The following SVIL variants were observed in gnomAD, a reference collection of about 807,000 sequenced individuals.
SVIL encodes supervillin.
A neutral mutation model predicts 240.4 loss-of-function variants in SVIL; 101 were observed. That is an observed-to-expected ratio of 0.42 (90% CI 0.36 to 0.50). The LOEUF (loss-of-function observed/expected upper bound fraction) is 0.50. Among genes scored for constraint, SVIL ranks in the 20% least tolerant of loss-of-function variants. The pLI, the probability that SVIL is intolerant of heterozygous loss-of-function variation, is 0.01. For missense variants in SVIL, 2,512 were observed against 2,818.7 expected (o/e 0.89, Z 2.46); for synonymous variants, 999 against 1,100.0 (o/e 0.91, Z 1.82).
rs386371080 is a variant in SVIL at position 29,724,181 on chromosome 10, C to CTTTT, written c.-400+11566_-400+11569dup. Among the ~76,000 whole-genome samples the CTTTT allele has an allele frequency of 8.3e-5, 12 of 144,514 alleles. 1 individual carries two copies. Among genetic ancestry groups the CTTTT allele is most frequent in the Non-Finnish European group, 7.5e-5 (5 of 66,332 alleles). The allele number at this position is 144,514 out of a possible 152,430, so 94.8% of individuals were successfully genotyped here. A position where few individuals can be genotyped will look rare whatever the true frequency, so the allele number is the denominator to read the frequency against. On this transcript the variant is annotated intron_variant, in intron 1 of 35. Coordinates refer to the SVIL transcript ENST00000375400. ...TTCTTCTGAGTTTTTTGTTTTCTCT[C>CTTTT]TTTTTTTTTTTTTCAAGAAGCCTAA...
At chr10:29,699,580 A>C (rs1589538201) in intron 1 of SVIL, among the ~76,000 whole-genome samples, 4 of 152,232 alleles carry the variant, frequency 2.6e-5, no homozygotes, top group South Asian at 2.1e-4. Flanking sequence ...CTGGGATTAC[A>C]GGTGTGAGCC....
chr10:29,714,976 A>G (rs1963532380), intron 1 of SVIL, among the ~76,000 whole-genome samples: 1 of 151,218 alleles, frequency 6.6e-6, no homozygotes, highest in African/African-American at 2.4e-5. Context: ...AAGAAGAAAA[A>G]GAAAAGAAAA....
chr10:29,689,856 T>C (rs910139115), intron 1 of SVIL, among the ~76,000 whole-genome samples: 1 of 152,210 alleles, frequency 6.6e-6, no homozygotes, highest in Non-Finnish European at 1.5e-5. Context: ...AGAGCAACAC[T>C]GCAAAACTTT....
intron 1 of SVIL, among the ~76,000 whole-genome samples, chr10:29,606,573 T>C (rs1243845469): frequency 6.6e-6 from 1 of 152,202 alleles, no homozygotes; most frequent in Non-Finnish European, 1.5e-5. Flanking sequence ...TTTAAAATTA[T>C]GAATATTTCC....
chr10:29,642,529 G>C (rs1958523970), intron 3 of SVIL, among the ~76,000 whole-genome samples: 1 of 152,154 alleles, frequency 6.6e-6, no homozygotes, highest in Non-Finnish European at 1.5e-5. Flanking sequence ...ATCTCTCCTA[G>C]ACATGGTCTC....
intron 16 of SVIL, among the ~76,000 whole-genome samples, chr10:29,517,685 A>G (rs1390852010): frequency 1.3e-5 from 2 of 152,210 alleles, no homozygotes; most frequent in Non-Finnish European, 2.9e-5. Context: ...GCAGAACACC[A>G]TAGAGGCGTG....
At chr10:29,584,499 G>A (rs1956080716) in intron 1 of SVIL, among the ~76,000 whole-genome samples, 1 of 152,174 alleles carries the variant, frequency 6.6e-6, no homozygotes. Context: ...TGTCGGGGAG[G>A]TGCCAAGTGG....
At chr10:29,717,711 A>G (rs1963713771) in intron 1 of SVIL, among the ~76,000 whole-genome samples, 1 of 152,230 alleles carries the variant, frequency 6.6e-6, no homozygotes, top group Admixed American at 6.5e-5. Context: ...TATTCTAAAA[A>G]AGATGAACCA....
chr10:29,656,458 T>A (rs978091479), intron 3 of SVIL, among the ~76,000 whole-genome samples: 1 of 147,270 alleles, frequency 6.8e-6, no homozygotes, highest in Non-Finnish European at 1.5e-5. Flanking sequence ...CCCATATAGC[T>A]TTTTTTTTTA....
rs1397743030 is a variant in SVIL, at chr10:29,457,396, T to TATC, written c.*848_*850dup. 1 of 148,678 alleles carries TATC rather than the reference T, an allele frequency of 6.7e-6. No homozygotes were observed. The highest frequency in any genetic ancestry group is 2.5e-5 in the African/African-American group (1 of 40,450). The allele number at this position is 148,678 out of a possible 1,614,324, so 9.2% of individuals were successfully genotyped here. On this transcript the variant is annotated 3_prime_UTR_variant, in exon 38 of 38. Coordinates refer to ENST00000355867, the MANE Select transcript of SVIL (RefSeq NM_021738.3). ...CTGATACTTTTATTTGGGAGTCCTATATCACAAAATGACATGTGTACTGTT... is the reference window on the plus strand; with the variant it reads ...CTGATACTTTTATTTGGGAGTCCTATATCATCACAAAATGACATGTGTACTGTT...
upstream of SVIL, among the ~76,000 whole-genome samples, chr10:29,638,191 G>A (rs960124979): frequency 2.0e-5 from 3 of 152,180 alleles, no homozygotes; most frequent in Non-Finnish European, 4.4e-5. Context: ...GCAGGGCGGG[G>A]TGGCTCACAC....
At chr10:29,601,424 G>T (rs1190630587) in intron 1 of SVIL, among the ~76,000 whole-genome samples, 1 of 152,206 alleles carries the variant, frequency 6.6e-6, no homozygotes, top group Admixed American at 6.5e-5. Flanking sequence ...GTAGAAATGT[G>T]TTTAAACTGA....
intron 1 of SVIL, among the ~76,000 whole-genome samples, chr10:29,700,815 C>T (rs1308232642): frequency 6.6e-6 from 1 of 152,058 alleles, no homozygotes; most frequent in Non-Finnish European, 1.5e-5. Context: ...ACCTGTGGCA[C>T]CCCTACCCCC....
intron 2 of SVIL, among the ~76,000 whole-genome samples, chr10:29,670,037 C>T (rs1468480687): frequency 6.6e-6 from 1 of 151,890 alleles, no homozygotes; most frequent in Non-Finnish European, 1.5e-5. Context: ...ATCACTTGAG[C>T]CCAAAAGGTC....
Position 29,480,598 on chromosome 10 carries a change from G to T in SVIL, c.5316C>A (p.Ile1772=), listed in dbSNP as rs1176428069. ...AGGCATCCCCCTCATGGAACTGCCCGATGCTTTGTTTGGGGAGCCTGCTAT... is the reference window on the plus strand; with the variant it reads ...AGGCATCCCCCTCATGGAACTGCCCTATGCTTTGTTTGGGGAGCCTGCTAT... The part of the protein sequence containing the change: ...FDYSRLPKQS[I]GQFHEGDAYV... Residue 1772 remains isoleucine (I), a synonymous_variant, in exon 29 of 38, where the codon ATC becomes ATA. Coordinates refer to ENST00000355867, the MANE Select transcript of SVIL (RefSeq NM_021738.3). 1 of 1,613,986 alleles carries T rather than the reference G, an allele frequency of 6.2e-7. No individual in the cohort carries two copies. Among genetic ancestry groups the T allele is most frequent in the Admixed American group, 1.7e-5 (1 of 60,006 alleles).
At position 29,727,395 on chromosome 10, in the gene SVIL, C is replaced by T. The variant is rs144925139; in HGVS notation, c.-400+8356G>A. ...TCTGCCTCCTCAGCCTCCCAAGTAG[C>T]TGGGACTATAAGTGGGGACCTCCAC... On this transcript the variant is annotated intron_variant, in intron 1 of 35. Transcript: ENST00000375400. Among the ~76,000 whole-genome samples, 1,385 of 151,886 alleles carry T rather than the reference C, an allele frequency of 9.1e-3. 76 individuals are homozygous for T. Among genetic ancestry groups the T allele is most frequent in the Admixed American group, 0.085 (1,300 of 15,234 alleles).
intron 6 of SVIL, among the ~76,000 whole-genome samples, chr10:29,548,234 T>A (rs1952874429): frequency 6.6e-6 from 1 of 152,202 alleles, no homozygotes; most frequent in Non-Finnish European, 1.5e-5. Context: ...TGACCAGGTG[T>A]GCACCCCTGT....
chr10:29,497,020 A>G (rs1948496890), intron 18 of SVIL, among the ~76,000 whole-genome samples: 1 of 152,246 alleles, frequency 6.6e-6, no homozygotes, highest in African/African-American at 2.4e-5. Context: ...ATGAGTATCC[A>G]GTTCTGTGAT....
intron 5 of SVIL, among the ~76,000 whole-genome samples, chr10:29,554,312 AAAAAAT>A (rs1953696125): frequency 6.6e-6 from 1 of 151,928 alleles, no homozygotes; most frequent in African/African-American, 2.4e-5. Flanking sequence ...CTGTCTCTAA[AAAAAAT>A]AAAAATAAAA....
Sources: allele counts gnomAD v4.1 joint callset (sites outside exome capture counted in the v4.1 genomes callset), GRCh38; gene constraint gnomAD v4.1.1; transcripts MANE v1.5; gene names NCBI Gene and HGNC (gene_info 2026-07-23, HGNC 2026-07-21).